The following PID1 variants were observed in gnomAD, a reference collection of about 807,000 sequenced individuals.
PID1 encodes phosphotyrosine interaction domain containing 1.
In PID1, 10 loss-of-function variants were observed where a neutral mutation model predicts 19.1. The ratio of observed to expected loss-of-function variants is 0.52; its 90% CI spans 0.32 to 0.89. The LOEUF (loss-of-function observed/expected upper bound fraction) is 0.89, where lower values mean the gene tolerates loss of function less well. Ranked by LOEUF, PID1 falls within the 40% of genes least tolerant of loss-of-function variation. The probability of loss-of-function intolerance (pLI) is 0.03; values close to 1 mark genes in which losing one functional copy is unlikely to be tolerated. For synonymous variants in PID1, 130 were observed against 116.0 expected, an observed-to-expected ratio of 1.12 and a Z score of -0.78; for missense variants, 248 against 285.3, an observed-to-expected ratio of 0.87 and a Z score of 0.94.
At chr2:229,201,499 A>G (rs921012773) in intron 1 of PID1, among the ~76,000 whole-genome samples, 2 of 152,032 alleles carry the variant, frequency 1.3e-5, no homozygotes, top group Non-Finnish European at 2.9e-5. Context: ...GTATGGATTT[A>G]CCACATTTTG....
chr2:229,242,017 G>A (rs974946784), intron 1 of PID1, among the ~76,000 whole-genome samples: 2 of 71,694 alleles, frequency 2.8e-5, no homozygotes, highest in African/African-American at 7.2e-5. Context: ...CAGTGTTTTT[G>A]TTTTTGTTTT....
intron 2 of PID1, among the ~76,000 whole-genome samples, chr2:229,112,141 T>C (rs1695311459): frequency 6.6e-6 from 1 of 152,248 alleles, no homozygotes; most frequent in African/African-American, 2.4e-5. Context: ...ATTTCGATGT[T>C]AAAACGATTT....
intron 2 of PID1, among the ~76,000 whole-genome samples, chr2:229,088,236 T>G (rs1694806918): frequency 6.6e-6 from 1 of 152,142 alleles, no homozygotes; most frequent in South Asian, 2.1e-4. Flanking sequence ...TAGGCAACAA[T>G]TTTTTGGGTT....
intron 1 of PID1, among the ~76,000 whole-genome samples, chr2:229,174,438 T>A (rs1690772574): frequency 1.3e-5 from 2 of 152,138 alleles, no homozygotes. Flanking sequence ...TGGTTGTAAA[T>A]GTAAAGTGAA....
At chr2:229,250,908 C>T (rs1690134277) in intron 1 of PID1, among the ~76,000 whole-genome samples, 2 of 152,166 alleles carry the variant, frequency 1.3e-5, no homozygotes, top group African/African-American at 4.8e-5. Context: ...CTTCTTTATA[C>T]CCACCTTAAA....
At chr2:229,116,934 G>A (rs570184289) in intron 2 of PID1, among the ~76,000 whole-genome samples, 5 of 152,140 alleles carry the variant, frequency 3.3e-5, no homozygotes, top group Admixed American at 1.3e-4. Flanking sequence ...CTTTGTCAGT[G>A]ATGACCTCCT....
chr2:229,265,865 A>G lies in PID1; in HGVS notation c.30+5149T>C, dbSNP rs147829104. ...GTATGGGAGGGACCTAATCTGGAAC[A>G]TCAAACAAAATGCAAAAGTTGCCTA... On this transcript the variant is annotated intron_variant, in intron 1 of 2. Transcript: ENST00000392055. Among the ~76,000 whole-genome samples the G allele has an allele frequency of 5.2e-3, 798 of 152,308 alleles. 8 individuals carry two copies. Among genetic ancestry groups the G allele is most frequent in the African/African-American group, 0.018 (731 of 41,570 alleles).
intron 2 of PID1, among the ~76,000 whole-genome samples, chr2:229,049,884 T>C (rs1311944771): frequency 6.6e-6 from 1 of 151,922 alleles, no homozygotes; most frequent in Non-Finnish European, 1.5e-5. Flanking sequence ...CCAACTCTTT[T>C]ATAACCAGTT....
intron 2 of PID1, among the ~76,000 whole-genome samples, chr2:229,148,233 G>T (rs1690175072): frequency 6.6e-6 from 1 of 152,236 alleles, no homozygotes. Flanking sequence ...CCACAGTATA[G>T]AATTCGAAGT....
At chr2:229,265,815 A>G (rs1690579990) in intron 1 of PID1, among the ~76,000 whole-genome samples, 1 of 152,174 alleles carries the variant, frequency 6.6e-6, no homozygotes, top group African/African-American at 2.4e-5. Flanking sequence ...TCATGGTAGA[A>G]TGGGGTCAGT....
Position 229,113,433 on chromosome 2 carries a change from CAT to C in PID1, c.177+42383_177+42384del, listed in dbSNP as rs1559238706. Among the ~76,000 whole-genome samples the C allele has an allele frequency of 1.7e-4, 18 of 103,888 alleles. 1 individual carries two copies. The highest frequency in any genetic ancestry group is 5.4e-4 in the East Asian group (2 of 3,714). 68.2% of individuals were successfully genotyped at this position (103,888 alleles called of 152,430 possible). ...ATTTATATATATATACACACACATA[CAT>C]ATATATACACACACAAACACACACA... On this transcript the variant is annotated intron_variant, in intron 2 of 2. Coordinates refer to ENST00000392055, the MANE Select transcript of PID1 (RefSeq NM_001100818.2).
Position 229,181,104 on chromosome 2 carries a change from C to G in PID1, c.31-25140G>C, listed in dbSNP as rs71415710. Among the ~76,000 whole-genome samples, 653 of 152,322 alleles carry G rather than the reference C, an allele frequency of 4.3e-3. 4 individuals carry two copies. Among genetic ancestry groups the G allele is most frequent in the Admixed American group, 7.7e-3 (118 of 15,310 alleles). On this transcript the variant is annotated intron_variant, in intron 1 of 2. Transcript: ENST00000392055. ...CTCTCGTTCCACCTAACGAGAAACG[C>G]CCACAGGTGTGGAGGGGCAACCCAC... is the stretch of plus-strand genomic sequence containing the variant.
intron 1 of PID1, among the ~76,000 whole-genome samples, chr2:229,242,792 C>T (rs1689904423): frequency 6.6e-6 from 1 of 152,090 alleles, no homozygotes; most frequent in Non-Finnish European, 1.5e-5. Context: ...AAAATGAAGT[C>T]CATGCTCAGT....
chr2:229,243,632 G>C (rs1175045172), intron 1 of PID1, among the ~76,000 whole-genome samples: 4 of 152,058 alleles, frequency 2.6e-5, no homozygotes, highest in African/African-American at 7.2e-5. Flanking sequence ...ACATTCTACA[G>C]GTACGTGGCA....
chr2:229,262,942 T>C (rs1690498952), intron 1 of PID1: 9 of 1,414,084 alleles, frequency 6.4e-6, no homozygotes, highest in Non-Finnish European at 8.3e-6. Context: ...TAATTCAATA[T>C]GACCTCATCT....
intron 1 of PID1, among the ~76,000 whole-genome samples, chr2:229,219,366 G>A (rs1264110356): frequency 4.6e-5 from 7 of 152,162 alleles, no homozygotes; most frequent in Non-Finnish European, 8.8e-5. Context: ...GCAAGGAGAA[G>A]TGCAGAGAGA....
At chr2:229,242,749 C>A (rs759810461) in intron 1 of PID1, among the ~76,000 whole-genome samples, 7 of 152,128 alleles carry the variant, frequency 4.6e-5, no homozygotes, top group Non-Finnish European at 8.8e-5. Flanking sequence ...TCATTTGTTA[C>A]CTATAAGCTC....
chr2:229,080,691 C>T (rs1460618933), intron 2 of PID1, among the ~76,000 whole-genome samples: 3 of 152,176 alleles, frequency 2.0e-5, no homozygotes, highest in Non-Finnish European at 4.4e-5. Context: ...TAGCACGGTG[C>T]AGGATGCAGT....
intron 1 of PID1, among the ~76,000 whole-genome samples, chr2:229,242,450 T>C (rs1459705821): frequency 6.6e-6 from 1 of 152,044 alleles, no homozygotes; most frequent in Non-Finnish European, 1.5e-5. Context: ...CTTCGACTGG[T>C]AAAACTGGCT....
Sources: allele counts gnomAD v4.1 joint callset (sites outside exome capture counted in the v4.1 genomes callset), GRCh38; gene constraint gnomAD v4.1.1; transcripts MANE v1.5; gene names NCBI Gene and HGNC (gene_info 2026-07-23, HGNC 2026-07-21).